The following LHFPL5 variants were observed in gnomAD, a reference collection of about 807,000 sequenced individuals.
LHFPL5 encodes the protein LHFPL tetraspan subfamily member 5 protein.
Under a neutral mutation model 18.7 loss-of-function variants are expected in LHFPL5, and 12 were observed. The observed-to-expected ratio is 0.64, with a 90% confidence interval of 0.41 to 1.04. The LOEUF (loss-of-function observed/expected upper bound fraction) is 1.04. Among genes scored for constraint, LHFPL5 ranks in the 50% least tolerant of loss-of-function variants. The pLI, the probability that LHFPL5 is intolerant of heterozygous loss-of-function variation, is 0.00. For missense variants in LHFPL5, 259 were observed against 292.1 expected (o/e 0.89, Z 0.83); for synonymous variants, 111 against 120.2 (o/e 0.92, Z 0.50).
At chr6:35,821,077 G>T (rs1768856983) in intron 3 of LHFPL5, among the ~76,000 whole-genome samples, 1 of 152,132 alleles carries the variant, frequency 6.6e-6, no homozygotes, top group Non-Finnish European at 1.5e-5. Flanking sequence ...ACTGAGGCAG[G>T]CAGATCACCT....
At position 35,823,556 on chromosome 6, in the gene LHFPL5, G is replaced by A. The variant is rs1380105350; in HGVS notation, c.*591G>A. 1 of 151,732 alleles carries A rather than the reference G, an allele frequency of 6.6e-6. No homozygotes were observed. The highest frequency in any genetic ancestry group is 1.5e-5 in the Non-Finnish European group (1 of 68,042). 9.4% of individuals were successfully genotyped at this position (151,732 alleles called of 1,614,324 possible). On this transcript the variant is annotated 3_prime_UTR_variant, in exon 4 of 4. Transcript: ENST00000360215. ...TGAAGAGGTGGCTGGACATGTGCTG[G>A]GTCATTTTTAGGGTGAGGTGTAGGG...
intron 1 of LHFPL5, among the ~76,000 whole-genome samples, chr6:35,808,564 CATATATATATATATATAT>C (rs56343421): frequency 0.025 from 2,175 of 87,258 alleles, 80 homozygotes; most frequent in African/African-American, 0.073. Context: ...TCATTTTATA[CATATATATATATATATAT>C]ATATATATAT....
At chr6:35,813,239 ATTTTTT>A (rs35884324) in intron 1 of LHFPL5, among the ~76,000 whole-genome samples, 2 of 56,294 alleles carry the variant, frequency 3.6e-5, no homozygotes, top group African/African-American at 1.3e-4. Context: ...AGGAACTAGC[ATTTTTT>A]TTTTTTTTTT....
At chr6:35,813,142 G>C (rs536923780) in intron 1 of LHFPL5, among the ~76,000 whole-genome samples, 79 of 151,994 alleles carry the variant, frequency 5.2e-4, no homozygotes, top group African/African-American at 1.9e-3. Flanking sequence ...AGGCAGCCTA[G>C]TCTAGTGTTT....
chr6:35,819,490 T>C, intron 3 of LHFPL5, 27 bp downstream of exon 3: 2 of 1,610,018 alleles, frequency 1.2e-6, no homozygotes, highest in Non-Finnish European at 1.7e-6. Context: ...GAGGGTGGTC[T>C]GCGTGCCCTT....
rs558726737 is a variant in LHFPL5, at chr6:35,819,240, A to G, written c.650-197A>G. 7.2e-5 allele frequency among the ~76,000 whole-genome samples: 11 copies of G among 152,316 alleles called. No individual in the cohort carries two copies. In the East Asian group the frequency reaches 9.6e-4, roughly 13 times the overall value. ...GAAGTACAGTGGTTAAGGGAAATCT[A>G]AGTTGGAGCTTATGGTCTGGTAAGG... On this transcript the variant is annotated intron_variant, in intron 2 of 3. Coordinates refer to ENST00000360215, the MANE Select transcript of LHFPL5 (RefSeq NM_182548.4).
rs1768567548 is a variant in LHFPL5, at chr6:35,806,217, C to T, written c.412+135C>T. 21 of 924,666 alleles carry T rather than the reference C, an allele frequency of 2.3e-5. 1 individual carries two copies. The South Asian group carries it at 2.8e-4, about 12-fold the overall frequency. 57.3% of individuals were successfully genotyped at this position (924,666 alleles called of 1,614,324 possible). On this transcript the variant is annotated intron_variant, in intron 1 of 3. Coordinates refer to ENST00000360215, the MANE Select transcript of LHFPL5 (RefSeq NM_182548.4). ...CTATAGCCCAGTCCTACTCAGTGCT[C>T]TGCAGAAGATTCTGAGGAGTTGAGA...
chr6:35,814,879 C>T lies in LHFPL5; in HGVS notation c.649+97C>T, dbSNP rs1302148960. 9.0e-7 allele frequency: 1 copy of T among 1,112,176 alleles called. No homozygotes were observed. Among genetic ancestry groups the T allele is most frequent in the Non-Finnish European group, 1.4e-6 (1 of 726,588 alleles). The allele number at this position is 1,112,176 out of a possible 1,614,324, so 68.9% of individuals were successfully genotyped here. A position where few individuals can be genotyped will look rare whatever the true frequency, so the allele number is the denominator to read the frequency against. ...CAGTCCTCTAAGGCTTGGTCCCTGG[C>T]CAAGGGATGGGGACACCAAGACTAA... On this transcript the variant is annotated intron_variant, in intron 2 of 3. Coordinates refer to ENST00000360215, the MANE Select transcript of LHFPL5 (RefSeq NM_182548.4). The surrounding 1 kb of genome is among the most constrained non-coding windows in gnomAD (Gnocchi z 4.2).
chr6:35,819,598 C>A, intron 3 of LHFPL5, 135 bp downstream of exon 3: 1 of 821,206 alleles, frequency 1.2e-6, no homozygotes, highest in Admixed American at 2.0e-5. Context: ...GGAGAGAGGA[C>A]CAACACCCCA....
intron 2 of LHFPL5, among the ~76,000 whole-genome samples, chr6:35,816,043 C>T (rs942038945): frequency 6.6e-5 from 10 of 151,956 alleles, no homozygotes; most frequent in Admixed American, 2.0e-4. Flanking sequence ...CGGTGGCGGG[C>T]GCCTGTAGTC....
chr6:35,810,979 G>A (rs1302703608), intron 1 of LHFPL5, among the ~76,000 whole-genome samples: 1 of 152,158 alleles, frequency 6.6e-6, no homozygotes, highest in Non-Finnish European at 1.5e-5. Context: ...CGTGCCAACC[G>A]GGGATCGGTG....
chr6:35,807,957 G>A (rs1163827514), intron 1 of LHFPL5, among the ~76,000 whole-genome samples: 1 of 152,118 alleles, frequency 6.6e-6, no homozygotes, highest in African/African-American at 2.4e-5. Context: ...GCCCCTAGTG[G>A]GTAACTTGTC....
chr6:35,807,890 C>T (rs1768597361), intron 1 of LHFPL5, among the ~76,000 whole-genome samples: 1 of 152,138 alleles, frequency 6.6e-6, no homozygotes, highest in South Asian at 2.1e-4. Flanking sequence ...CATATAATAT[C>T]TGGAGGAGCC....
chr6:35,819,851 G>A, intron 3 of LHFPL5: 1 of 279,194 alleles, frequency 3.6e-6, no homozygotes, highest in East Asian at 8.3e-5. Context: ...CTAATTTTTT[G>A]TATTTTTAGT....
At chr6:35,822,655 G>A (rs886494667) in intron 3 of LHFPL5, among the ~76,000 whole-genome samples, 19 of 152,016 alleles carry the variant, frequency 1.2e-4, no homozygotes, top group African/African-American at 3.9e-4. Flanking sequence ...CTACAGGCAC[G>A]TGCCACCACG....
intron 2 of LHFPL5, among the ~76,000 whole-genome samples, chr6:35,816,810 TA>T (rs752528571): frequency 0.052 from 4,334 of 83,228 alleles, 73 homozygotes; most frequent in Non-Finnish European, 0.067. Context: ...AGACTCCATC[TA>T]AAAAAAAAAA....
chr6:35,819,618 G>A (rs548124927), intron 3 of LHFPL5, 155 bp downstream of exon 3: 144 of 729,200 alleles, frequency 2.0e-4, no homozygotes, highest in African/African-American at 1.9e-3. Context: ...ACTGGGGCAG[G>A]AGCTATTTGG....
At chr6:35,813,818 C>A (rs574907055) in intron 1 of LHFPL5, among the ~76,000 whole-genome samples, 3 of 109,270 alleles carry the variant, frequency 2.7e-5, no homozygotes, top group Admixed American at 1.2e-4. Context: ...TTTTTTGAGA[C>A]GGAGTTTCGC....
chr6:35,808,864 G>T (rs1768619232), intron 1 of LHFPL5, among the ~76,000 whole-genome samples: 1 of 151,902 alleles, frequency 6.6e-6, no homozygotes, highest in Non-Finnish European at 1.5e-5. Flanking sequence ...TAGAAAAGCT[G>T]GAGACACTGA....
Sources: allele counts gnomAD v4.1 joint callset (sites outside exome capture counted in the v4.1 genomes callset), GRCh38; gene constraint gnomAD v4.1.1; non-coding constraint Gnocchi (gnomAD v3.1); transcripts MANE v1.5; gene names NCBI Gene and HGNC (gene_info 2026-07-23, HGNC 2026-07-21).